The following MTHFD1L variants were observed in gnomAD, a reference collection of about 807,000 sequenced individuals.
The protein encoded by MTHFD1L is methylenetetrahydrofolate dehydrogenase (NADP+ dependent) 1 like, also known as monofunctional C1-tetrahydrofolate synthase, mitochondrial.
A neutral mutation model predicts 119.5 loss-of-function variants in MTHFD1L; 81 were observed. The ratio of observed to expected loss-of-function variants is 0.68; its 90% confidence interval spans 0.57 to 0.82. MTHFD1L has a LOEUF of 0.82. MTHFD1L is among the 40% of genes least tolerant of loss of function. The pLI, the probability that MTHFD1L is intolerant of heterozygous loss-of-function variation, is 0.00. For synonymous variants in MTHFD1L, 430 were observed against 475.2 expected, an observed-to-expected ratio of 0.90 and a Z score of 1.24; for missense variants, 1,125 against 1,253.4, an observed-to-expected ratio of 0.90 and a Z score of 1.55.
At chr6:150,928,910 G>A (rs2128917217) in intron 11 of MTHFD1L, among the ~76,000 whole-genome samples, 1 of 152,238 alleles carries the variant, frequency 6.6e-6, no homozygotes, top group Non-Finnish European at 1.5e-5. Context: ...AGTTGGCATT[G>A]TAAGGAATTC....
At chr6:150,866,137 G>A in intron 1 of MTHFD1L, 88 bp downstream of exon 1, 1 of 1,419,034 alleles carries the variant, frequency 7.0e-7, no homozygotes, top group Non-Finnish European at 9.2e-7. Flanking sequence ...CGTGGGGAGC[G>A]GGGCGCGGGG....
At chr6:150,994,121 T>G (rs937570663) in intron 20 of MTHFD1L, among the ~76,000 whole-genome samples, 6 of 113,408 alleles carry the variant, frequency 5.3e-5, no homozygotes, top group African/African-American at 2.5e-4. Flanking sequence ...TAATACAAGT[T>G]TATTTCTCTC....
rs34143932 is a variant in MTHFD1L at position 150,944,870 on chromosome 6, G to A, written c.1548+277G>A. Among the ~76,000 whole-genome samples, 455 of 152,342 alleles carry A rather than the reference G, an allele frequency of 3.0e-3. 1 individual carries two copies. The highest frequency in any genetic ancestry group is 5.7e-3 in the Admixed American group (87 of 15,300). On this transcript the variant is annotated intron_variant, in intron 14 of 27. Transcript: ENST00000367321. Reference sequence around the variant, plus strand: ...AAGATGAGTCTTTAGTTTTAAAGATGGTAGGTAGACCAGTTCTCTTCATTC... The same window carrying A: ...AAGATGAGTCTTTAGTTTTAAAGATAGTAGGTAGACCAGTTCTCTTCATTC...
intron 26 of MTHFD1L, among the ~76,000 whole-genome samples, chr6:151,056,283 C>A (rs1789909764): frequency 6.6e-6 from 1 of 152,166 alleles, no homozygotes; most frequent in Non-Finnish European, 1.5e-5. Flanking sequence ...AGGTGAGAGA[C>A]TTGATTTGGG....
chr6:150,871,183 C>A (rs1779427447), intron 1 of MTHFD1L, among the ~76,000 whole-genome samples: 1 of 143,492 alleles, frequency 7.0e-6, no homozygotes, highest in Non-Finnish European at 1.5e-5. Context: ...AATATATATA[C>A]CTTAATTTTA....
rs190329285 is a variant in MTHFD1L, at chr6:151,022,288, G to A, written c.2586+6595G>A. On this transcript the variant is annotated intron_variant, in intron 24 of 27. Transcript: ENST00000367321. ...CTGGAACCTACACCAGTTGTTGGTG[G>A]GGTGTGAGAACTATCCTTTACATGG... 307 of 306,256 alleles carry A rather than the reference G, an allele frequency of 1.0e-3. 1 individual carries two copies. The East Asian group carries it at 0.021, about 21-fold the overall frequency. The allele number at this position is 306,256 out of a possible 1,614,324, so 19.0% of individuals were successfully genotyped here. A position where few individuals can be genotyped will look rare whatever the true frequency, so the allele number is the denominator to read the frequency against.
intron 26 of MTHFD1L, among the ~76,000 whole-genome samples, chr6:151,073,801 A>G (rs78814025): frequency 0.022 from 3,318 of 152,312 alleles, 105 homozygotes; most frequent in South Asian, 0.12. Context: ...AAGGCTGAAA[A>G]GAAGCAAGAG....
At chr6:150,983,153 A>C (rs894320046) in intron 20 of MTHFD1L, among the ~76,000 whole-genome samples, 2 of 152,184 alleles carry the variant, frequency 1.3e-5, no homozygotes, top group Non-Finnish European at 2.9e-5. Context: ...AATTAATGGA[A>C]ATCCTTTATA....
chr6:150,890,916 A>G (rs1468510159), intron 7 of MTHFD1L, among the ~76,000 whole-genome samples: 1 of 152,258 alleles, frequency 6.6e-6, no homozygotes, highest in African/African-American at 2.4e-5. Context: ...TTCATAAAAC[A>G]ATGATATACA....
At chr6:151,101,043 C>T (rs924313339) in intron 27 of MTHFD1L, among the ~76,000 whole-genome samples, 1 of 152,062 alleles carries the variant, frequency 6.6e-6, no homozygotes. Flanking sequence ...CTTGTAATCC[C>T]AGCTACTCCG....
At chr6:150,953,678 T>A (rs141402743) in intron 16 of MTHFD1L, among the ~76,000 whole-genome samples, 55 of 152,290 alleles carry the variant, frequency 3.6e-4, no homozygotes, top group African/African-American at 1.3e-3. Flanking sequence ...AAGGCAGAGG[T>A]GGGCTTTGGA....
chr6:150,879,323 G>A (rs986685637), intron 4 of MTHFD1L, among the ~76,000 whole-genome samples: 2 of 151,854 alleles, frequency 1.3e-5, no homozygotes, highest in Non-Finnish European at 2.9e-5. Context: ...ATGGAGTCTC[G>A]CTCTGTCAGG....
intron 25 of MTHFD1L, among the ~76,000 whole-genome samples, chr6:151,036,358 A>G (rs1422103056): frequency 2.6e-5 from 4 of 152,204 alleles, no homozygotes; most frequent in African/African-American, 7.2e-5. Context: ...GGCTTTGAGG[A>G]CACTGTGCTT....
chr6:150,898,827 G>GATTATTATTATTATT (rs149723194), intron 7 of MTHFD1L: 1 of 347,468 alleles, frequency 2.9e-6, no homozygotes, highest in Non-Finnish European at 5.4e-6. Flanking sequence ...GTATAGGGAA[G>GATTATTATTATTATT]ATTATTATTA....
chr6:150,966,087 G>A (rs1445110692), intron 19 of MTHFD1L, among the ~76,000 whole-genome samples: 1 of 152,186 alleles, frequency 6.6e-6, no homozygotes, highest in African/African-American at 2.4e-5. Context: ...GCAGCAAGGT[G>A]TTTTGCAATT....
chr6:151,098,931 T>C (rs1795118524), intron 27 of MTHFD1L, among the ~76,000 whole-genome samples: 1 of 151,968 alleles, frequency 6.6e-6, no homozygotes, highest in East Asian at 1.9e-4. Flanking sequence ...ATCCCAGCAA[T>C]TTGGGAGGCC....
At chr6:150,876,822 G>T (rs557295811) in intron 2 of MTHFD1L, among the ~76,000 whole-genome samples, 1 of 152,204 alleles carries the variant, frequency 6.6e-6, no homozygotes, top group Non-Finnish European at 1.5e-5. Flanking sequence ...TGCCCTTAGC[G>T]TATCAAAATA....
chr6:150,885,647 A>T lies in MTHFD1L; in HGVS notation c.556A>T (p.Asn186Tyr). 6.2e-7 allele frequency: 1 copy of T among 1,613,942 alleles called. No homozygotes were observed. The highest frequency in any genetic ancestry group is 1.7e-4 in the Middle Eastern group (1 of 6,058). The change falls in exon 6 of 28, where the codon AAC (asparagine) becomes TAC (tyrosine). Residue 186 changes from asparagine (N) to tyrosine (Y), a missense_variant. By Grantham distance (143) the Asn-to-Tyr change is moderately radical. Around this residue, in one of 3 missense-constraint regions of MTHFD1L, gnomAD observed 1,058 missense variants for 1,151.2 expected, o/e 0.92. Coordinates refer to ENST00000367321, the MANE Select transcript of MTHFD1L (RefSeq NM_015440.5). The part of the protein sequence containing the change: ...EKDVDGVTDI[N>Y]LGKLVRGDAH... ...TTTCTGATTCAGAGTAACAGACATA[A>T]ACCTGGGGAAGCTGGTGCGAGGGGA...
rs188020067 is a variant in MTHFD1L, at chr6:150,916,383, T to C, written c.893-2194T>C. ...GTGGTGTGATCTCGGCTCACCGCAATCTCCGCCTCCCAGGTTCAAGCGATT... is the reference window on the plus strand; with the variant it reads ...GTGGTGTGATCTCGGCTCACCGCAACCTCCGCCTCCCAGGTTCAAGCGATT... On this transcript the variant is annotated intron_variant, in intron 8 of 27. Coordinates refer to ENST00000367321, the MANE Select transcript of MTHFD1L (RefSeq NM_015440.5). Among the ~76,000 whole-genome samples, 227 of 130,240 alleles carry C rather than the reference T, an allele frequency of 1.7e-3. 1 individual carries two copies. Among genetic ancestry groups the C allele is most frequent in the African/African-American group, 6.0e-3 (213 of 35,632 alleles). The allele number at this position is 130,240 out of a possible 152,430, so 85.4% of individuals were successfully genotyped here.
Sources: allele counts gnomAD v4.1 joint callset (sites outside exome capture counted in the v4.1 genomes callset), GRCh38; gene constraint gnomAD v4.1.1; regional missense constraint gnomAD v4.1.1; transcripts MANE v1.5; gene names NCBI Gene and HGNC (gene_info 2026-07-23, HGNC 2026-07-21).